ATL1: variants seen among roughly 807,000 people sequenced by gnomAD.
The protein encoded by ATL1 is atlastin-1.
In ATL1, 31 loss-of-function variants were observed where a neutral mutation model predicts 75.5. The observed-to-expected ratio is 0.41, with a 90% CI of 0.31 to 0.55. The LOEUF (loss-of-function observed/expected upper bound fraction) is 0.55. Among genes scored for constraint, ATL1 ranks in the 20% least tolerant of loss-of-function variants. The probability of loss-of-function intolerance (pLI) is 0.27; values close to 1 mark genes in which losing one functional copy is unlikely to be tolerated. For synonymous variants in ATL1, 226 were observed against 233.3 expected, an observed-to-expected ratio of 0.97 and a Z score of 0.28; for missense variants, 405 against 662.6, an observed-to-expected ratio of 0.61 and a Z score of 4.27.
At chr14:50,612,747 G>A (rs1356805567) in intron 6 of ATL1, among the ~76,000 whole-genome samples, 3 of 152,118 alleles carry the variant, frequency 2.0e-5, no homozygotes, top group African/African-American at 7.2e-5. Flanking sequence ...TTAAATCCAG[G>A]AGATGGGATG....
chr14:50,619,912 C>T (rs1420691132), intron 8 of ATL1, among the ~76,000 whole-genome samples: 1 of 152,148 alleles, frequency 6.6e-6, no homozygotes, highest in Non-Finnish European at 1.5e-5. Flanking sequence ...AAAATCTGGT[C>T]TCTTCCCCAT....
At chr14:50,614,656 T>C in intron 8 of ATL1, 145 bp downstream of exon 8, 1 of 933,534 alleles carries the variant, frequency 1.1e-6, no homozygotes, top group Non-Finnish European at 1.7e-6. Flanking sequence ...TAGGGCATCC[T>C]GGGCTGGTGC....
At chr14:50,629,938 G>A in intron 12 of ATL1, 57 bp from the exon 13 acceptor site, 1 of 1,363,648 alleles carries the variant, frequency 7.3e-7, no homozygotes, top group Non-Finnish European at 1.0e-6. Context: ...TTATAATGCT[G>A]TTAATAAAGC....
chr14:50,574,904 A>G (rs2140188522), intron 1 of ATL1, among the ~76,000 whole-genome samples: 1 of 93,076 alleles, frequency 1.1e-5, no homozygotes, highest in South Asian at 4.1e-4. Flanking sequence ...TGTTTTCAAT[A>G]CTGAGTGTGT....
chr14:50,623,108 G>A, intron 10 of ATL1, 69 bp from the exon 11 acceptor site: 3 of 1,322,330 alleles, frequency 2.3e-6, no homozygotes, highest in Non-Finnish European at 3.2e-6. Flanking sequence ...GCTCTGAAAT[G>A]TGAACTGCCT....
chr14:50,589,799 T>C (rs2039139023), intron 2 of ATL1, among the ~76,000 whole-genome samples: 1 of 152,160 alleles, frequency 6.6e-6, no homozygotes, highest in Non-Finnish European at 1.5e-5. Flanking sequence ...AGGATATAAT[T>C]AAATACATTT....
Position 50,569,582 on chromosome 14 carries a change from C to T in ATL1, c.34+9283C>T, listed in dbSNP as rs539515652. 2.4e-4 allele frequency among the ~76,000 whole-genome samples: 36 copies of T among 152,066 alleles called. 1 individual carries two copies. Among genetic ancestry groups the T allele is most frequent in the South Asian group, 8.3e-4 (4 of 4,820 alleles). On this transcript the variant is annotated intron_variant, in intron 1 of 13. Transcript: ENST00000358385. ...AGAATACCAAAGATGAAGCTACAAA[C>T]TGTTGTTAAAATAATACTACCTTTA... is the stretch of plus-strand genomic sequence containing the variant.
intron 1 of ATL1, among the ~76,000 whole-genome samples, chr14:50,567,073 C>T (rs769349783): frequency 5.3e-5 from 8 of 152,300 alleles, no homozygotes; most frequent in Non-Finnish European, 1.0e-4. Flanking sequence ...CTGTCTATCT[C>T]CCGAACTCTT....
At chr14:50,613,853 TTGTC>T (rs1268947605) in intron 7 of ATL1, among the ~76,000 whole-genome samples, 1 of 152,176 alleles carries the variant, frequency 6.6e-6, no homozygotes, top group African/African-American at 2.4e-5. Context: ...TCATAAAAGT[TTGTC>T]TGTATTAAAA....
At chr14:50,543,287 A>G (rs1309381175) in intron 1 of ATL1, among the ~76,000 whole-genome samples, 2 of 152,254 alleles carry the variant, frequency 1.3e-5, no homozygotes, top group African/African-American at 4.8e-5. Flanking sequence ...AGATCCCAGT[A>G]TGATACTGTT....
Position 50,621,905 on chromosome 14 carries a change from T to C in ATL1, c.1047+6T>C. ...ATCCCAAATCCATGTTACAGGTATT[T>C]ATTAATGAGGAGGCATGTTTTAAGA... On this transcript the variant is annotated splice_donor_region_variant and intron_variant, in intron 10 of 13. Coordinates refer to ENST00000358385, the MANE Select transcript of ATL1 (RefSeq NM_015915.5). The C allele has an allele frequency of 6.3e-7, 1 of 1,586,934 alleles. No homozygotes were observed. The highest frequency in any genetic ancestry group is 8.6e-7 in the Non-Finnish European group (1 of 1,156,094).
intron 6 of ATL1, among the ~76,000 whole-genome samples, chr14:50,603,737 A>G (rs757698809): frequency 5.3e-5 from 8 of 152,194 alleles, no homozygotes; most frequent in Admixed American, 1.3e-4. Flanking sequence ...GCCAAGTCAT[A>G]CCTGATAAAT....
chr14:50,560,833 G>T (rs1182140229), intron 1 of ATL1, among the ~76,000 whole-genome samples: 1 of 152,198 alleles, frequency 6.6e-6, no homozygotes, highest in African/African-American at 2.4e-5. Context: ...GCCGGGTCCC[G>T]GACGGACGGT....
chr14:50,613,169 A>G (rs2039381842), intron 6 of ATL1, 90 bp from the exon 7 acceptor site: 6 of 964,256 alleles, frequency 6.2e-6, no homozygotes, highest in Non-Finnish European at 1.0e-5. Flanking sequence ...AACGATATTC[A>G]AATGACAGTG....
At chr14:50,546,845 T>G (rs1371628788) in intron 1 of ATL1, among the ~76,000 whole-genome samples, 2 of 151,806 alleles carry the variant, frequency 1.3e-5, no homozygotes, top group Non-Finnish European at 2.9e-5. Context: ...AGGTTTTTTT[T>G]TAATTATTAT....
chr14:50,555,030 A>T (rs565682742), intron 1 of ATL1, among the ~76,000 whole-genome samples: 1 of 152,304 alleles, frequency 6.6e-6, no homozygotes, highest in African/African-American at 2.4e-5. Flanking sequence ...TATACGGTAT[A>T]TTTATCAATG....
rs117626967 is a variant in ATL1, at chr14:50,540,125, G to T, written c.-140+6758G>T. On this transcript the variant is annotated intron_variant, in intron 1 of 13. Coordinates refer to the ATL1 transcript ENST00000441560. ...ACTGGGATCCATGATTTTATATCCT[G>T]GTAGAGGTCAGGTGGCTCAACTGTC... Among the ~76,000 whole-genome samples the T allele has an allele frequency of 7.4e-4, 113 of 152,324 alleles. 4 individuals carry two copies. The East Asian group carries it at 0.019, about 26-fold the overall frequency.
chr14:50,625,914 GAAAA>G lies in ATL1; in HGVS notation c.1120-2110_1120-2107del, dbSNP rs368637913. Among the ~76,000 whole-genome samples, 1,185 of 134,208 alleles carry G rather than the reference GAAAA, an allele frequency of 8.8e-3. 24 individuals are homozygous for G. Among genetic ancestry groups the G allele is most frequent in the African/African-American group, 0.029 (1,105 of 37,798 alleles). 88.0% of individuals were successfully genotyped at this position (134,208 alleles called of 152,430 possible). Reference sequence around the variant, plus strand: ...TGAGACCCGTCTCAAAAAAAAAAAAGAAAAAAAAAATCATGCTATACCTACTCGT... The same window carrying G: ...TGAGACCCGTCTCAAAAAAAAAAAAGAAAAAATCATGCTATACCTACTCGT... On this transcript the variant is annotated intron_variant, in intron 11 of 13. Transcript: ENST00000358385.
chr14:50,537,012 A>C (rs1276327059), intron 1 of ATL1, among the ~76,000 whole-genome samples: 1 of 152,268 alleles, frequency 6.6e-6, no homozygotes, highest in Non-Finnish European at 1.5e-5. Context: ...GCTGAATATT[A>C]ATTCCAAAGA....
Sources: allele counts gnomAD v4.1 joint callset (sites outside exome capture counted in the v4.1 genomes callset), GRCh38; gene constraint gnomAD v4.1.1; transcripts MANE v1.5; gene names NCBI Gene and HGNC (gene_info 2026-07-23, HGNC 2026-07-21).